The following ANKS1B variants were observed in gnomAD, a reference collection of about 807,000 sequenced individuals.
The protein encoded by ANKS1B is ankyrin repeat and sterile alpha motif domain containing 1B.
Under a neutral mutation model 148.3 loss-of-function variants are expected in ANKS1B, and 36 were observed. The ratio of observed to expected loss-of-function variants is 0.24; its 90% CI spans 0.19 to 0.32. The LOEUF is 0.32. ANKS1B is among the 10% of genes least tolerant of loss of function. The probability of loss-of-function intolerance (pLI) is 1.00; values close to 1 mark genes in which losing one functional copy is unlikely to be tolerated. For missense variants in ANKS1B, 1,157 were observed against 1,542.6 expected (o/e 0.75, Z 4.19); for synonymous variants, 542 against 560.8 (o/e 0.97, Z 0.47).
intron 14 of ANKS1B, among the ~76,000 whole-genome samples, chr12:99,221,515 T>C (rs1336871009): frequency 1.3e-5 from 2 of 151,902 alleles, no homozygotes; most frequent in African/African-American, 4.8e-5. Flanking sequence ...CAACAGCAGC[T>C]CCCAGAATGG....
intron 22 of ANKS1B, chr12:98,795,689 C>A: frequency 2.2e-6 from 1 of 447,090 alleles, no homozygotes; most frequent in Middle Eastern, 3.3e-4. Flanking sequence ...CAAAACAAAA[C>A]AAAACAAAAA....
At chr12:99,939,240 G>C (rs957830830) in intron 1 of ANKS1B, among the ~76,000 whole-genome samples, 4 of 152,020 alleles carry the variant, frequency 2.6e-5, no homozygotes, top group Admixed American at 6.6e-5. Context: ...ACAGGTGACT[G>C]TGACCACAGC....
intron 17 of ANKS1B, among the ~76,000 whole-genome samples, chr12:98,906,635 A>T (rs965400694): frequency 2.0e-5 from 3 of 152,202 alleles, no homozygotes; most frequent in Non-Finnish European, 4.4e-5. Flanking sequence ...CTGTTGGTTG[A>T]AGGAACTATC....
intron 17 of ANKS1B, among the ~76,000 whole-genome samples, chr12:98,940,394 G>C (rs2099834823): frequency 6.6e-6 from 1 of 152,172 alleles, no homozygotes; most frequent in African/African-American, 2.4e-5. Flanking sequence ...GAGAGGAAGA[G>C]AGAAGAAAAC....
At chr12:99,887,199 G>A (rs1359336036) in intron 1 of ANKS1B, among the ~76,000 whole-genome samples, 7 of 152,156 alleles carry the variant, frequency 4.6e-5, no homozygotes, top group South Asian at 4.1e-4. Flanking sequence ...CTGCAATGCC[G>A]CACTGTCCAA....
At chr12:99,716,726 T>G (rs578187032) in intron 8 of ANKS1B, among the ~76,000 whole-genome samples, 2 of 152,124 alleles carry the variant, frequency 1.3e-5, no homozygotes, top group African/African-American at 4.8e-5. Flanking sequence ...CTGTTCCCAA[T>G]GCAAATCGTC....
intron 1 of ANKS1B, among the ~76,000 whole-genome samples, chr12:99,894,458 A>G (rs1412801939): frequency 6.8e-6 from 1 of 146,896 alleles, no homozygotes; most frequent in African/African-American, 2.5e-5. Context: ...GCAGTGAGCC[A>G]TGGCCATGCC....
chr12:98,906,299 C>A (rs958273447), intron 17 of ANKS1B, among the ~76,000 whole-genome samples: 1 of 152,074 alleles, frequency 6.6e-6, no homozygotes, highest in Non-Finnish European at 1.5e-5. Context: ...GGAATCAAAT[C>A]TATGCATATG....
At chr12:98,860,908 G>GT (rs2099596124) in intron 17 of ANKS1B, among the ~76,000 whole-genome samples, 1 of 152,128 alleles carries the variant, frequency 6.6e-6, no homozygotes, top group Non-Finnish European at 1.5e-5. Flanking sequence ...GACTTCCTCA[G>GT]TTTTTTCTCT....
At chr12:99,268,235 A>AT (rs1036593779) in intron 12 of ANKS1B, among the ~76,000 whole-genome samples, 61 of 152,220 alleles carry the variant, frequency 4.0e-4, no homozygotes, top group African/African-American at 1.4e-3. Context: ...CACAAACTCT[A>AT]TAGACAGCGA....
chr12:99,783,660 T>C (rs921262741), intron 4 of ANKS1B, among the ~76,000 whole-genome samples: 1 of 152,106 alleles, frequency 6.6e-6, no homozygotes, highest in Non-Finnish European at 1.5e-5. Context: ...TTCTCACATA[T>C]GTGTGAGCTA....
At chr12:99,108,522 A>G (rs1320774266) in intron 15 of ANKS1B, among the ~76,000 whole-genome samples, 1 of 152,250 alleles carries the variant, frequency 6.6e-6, no homozygotes, top group East Asian at 1.9e-4. Context: ...AATCATAGTC[A>G]CTGAATTGGG....
chr12:99,418,479 C>T (rs73147319), intron 11 of ANKS1B, among the ~76,000 whole-genome samples: 23,408 of 151,910 alleles, frequency 0.15, 2,119 homozygotes, highest in African/African-American at 0.26. Context: ...TCTTGCATCC[C>T]GTGACCTTGT....
At chr12:99,514,790 T>G (rs17471508) in intron 9 of ANKS1B, among the ~76,000 whole-genome samples, 19,341 of 151,914 alleles carry the variant, frequency 0.13, 1,551 homozygotes, top group Non-Finnish European at 0.17. Flanking sequence ...CCTTTGTATG[T>G]CCCCTTCCCT....
At chr12:99,053,054 T>C in intron 17 of ANKS1B, 103 bp downstream of exon 17, 2 of 1,031,896 alleles carry the variant, frequency 1.9e-6, no homozygotes, top group Non-Finnish European at 2.7e-6. Context: ...AGAAGGCATA[T>C]CTATAAATCC....
chr12:99,760,529 C>G (rs2061989915), intron 8 of ANKS1B, among the ~76,000 whole-genome samples: 2 of 151,788 alleles, frequency 1.3e-5, no homozygotes, highest in Admixed American at 1.3e-4. Context: ...ATACCAAAAT[C>G]TCTGAGATGC....
chr12:99,298,012 A>G (rs1248527700), intron 12 of ANKS1B, among the ~76,000 whole-genome samples: 2 of 151,996 alleles, frequency 1.3e-5, no homozygotes, highest in African/African-American at 4.8e-5. Flanking sequence ...GCACTAAGGC[A>G]TTAGACAGAA....
intron 12 of ANKS1B, among the ~76,000 whole-genome samples, chr12:99,378,179 A>G (rs879893091): frequency 5.3e-5 from 8 of 152,186 alleles, no homozygotes; most frequent in Middle Eastern, 3.2e-3. Context: ...CTGTTAAACA[A>G]TATAGGGTTT....
At chr12:99,106,427 T>G (rs1261832632) in intron 15 of ANKS1B, among the ~76,000 whole-genome samples, 2 of 152,254 alleles carry the variant, frequency 1.3e-5, no homozygotes, top group Non-Finnish European at 2.9e-5. Context: ...CCTACAGCCA[T>G]GTATTCTTCT....
Sources: allele counts gnomAD v4.1 joint callset (sites outside exome capture counted in the v4.1 genomes callset), GRCh38; gene constraint gnomAD v4.1.1; transcripts MANE v1.5; gene names NCBI Gene and HGNC (gene_info 2026-07-23, HGNC 2026-07-21).